The following KRABD3 variants were observed in gnomAD, a reference collection of about 807,000 sequenced individuals.
KRABD3 encodes the protein KRAB domain containing 3, also known as KRAB domain-containing protein 3.
the KRABD3 span, chr7:149,722,812 G>A: frequency 2.5e-6 from 4 of 1,609,912 alleles, no homozygotes; most frequent in Non-Finnish European, 3.4e-6. Context: ...CCCCTTGCAA[G>A]GCCTCATCAA....
the KRABD3 span, chr7:149,730,209 G>C: frequency 1.3e-6 from 2 of 1,575,240 alleles, no homozygotes; most frequent in Non-Finnish European, 1.7e-6. Flanking sequence ...GATCTTGCCT[G>C]TAAGGCCCTT....
chr7:149,728,567 C>T, the KRABD3 span: 4 of 1,613,682 alleles, frequency 2.5e-6, no homozygotes, highest in South Asian at 3.3e-5. Context: ...GGAGAATTGT[C>T]TCAAGGAGAT....
At chr7:149,722,596 G>A in the KRABD3 span, 1 of 1,587,890 alleles carries the variant, frequency 6.3e-7, no homozygotes, top group Non-Finnish European at 8.6e-7. Flanking sequence ...ATGGGGAAGT[G>A]TGTTTAGTTC....
chr7:149,724,748 C>A, the KRABD3 span: 3 of 1,561,498 alleles, frequency 1.9e-6, no homozygotes, highest in East Asian at 2.4e-5. Flanking sequence ...CAGAGCCCCC[C>A]AGGACCTGCA....
At chr7:149,722,394 AAG>A in the KRABD3 span, 1 of 1,586,648 alleles carries the variant, frequency 6.3e-7, no homozygotes, top group Non-Finnish European at 8.6e-7. Context: ...TGGGGCTAGA[AAG>A]GCCCTCTTGT....
At chr7:149,725,626 C>A in the KRABD3 span, 1 of 970,560 alleles carries the variant, frequency 1.0e-6, no homozygotes, top group Non-Finnish European at 1.5e-6. Flanking sequence ...TTCATACTCA[C>A]TCCCAAACAG....
the KRABD3 span, chr7:149,725,480 A>G: frequency 6.2e-7 from 1 of 1,607,034 alleles, no homozygotes; most frequent in African/African-American, 1.3e-5. Context: ...CACAGATCAC[A>G]CAGTGAAGGT....
the KRABD3 span, chr7:149,729,639 C>T: frequency 0.41 from 400,282 of 985,200 alleles, 84,164 homozygotes; most frequent in Non-Finnish European, 0.43. Context: ...AGGGGGCTCC[C>T]GCCGTCCACT....
At chr7:149,728,689 C>T in the KRABD3 span, 23 of 1,611,676 alleles carry the variant, frequency 1.4e-5, no homozygotes, top group Middle Eastern at 1.7e-4. Context: ...ATAGTGGCTG[C>T]CGGGGCCCTG....
At chr7:149,724,984 C>T in the KRABD3 span, 5 of 760,784 alleles carry the variant, frequency 6.6e-6, no homozygotes, top group Non-Finnish European at 4.0e-6. Context: ...CAGTGAATCC[C>T]TTCATCCACA....
chr7:149,722,533 A>G, the KRABD3 span: 1 of 1,399,656 alleles, frequency 7.1e-7, no homozygotes, highest in African/African-American at 1.5e-5. Context: ...AGAGGACAGG[A>G]GAGAGGGACC....
At chr7:149,723,852 A>G in the KRABD3 span, 5 of 1,613,860 alleles carry the variant, frequency 3.1e-6, no homozygotes, top group African/African-American at 5.3e-5. Context: ...ACCGACGGCT[A>G]CAGGAGAATC....
chr7:149,733,797 A>G, the KRABD3 span: 1 of 1,602,884 alleles, frequency 6.2e-7, no homozygotes, highest in Non-Finnish European at 8.5e-7. Flanking sequence ...CCGCCTGCAC[A>G]CCCCCTCCTC....
chr7:149,719,992 C>G, the KRABD3 span: 1 of 1,539,476 alleles, frequency 6.5e-7, no homozygotes, highest in South Asian at 1.2e-5. The surrounding 1 kb of genome is among the most constrained non-coding windows in gnomAD (Gnocchi z 5.6). Context: ...GGCCACAGTT[C>G]CCTCTTCTTT....
the KRABD3 span, among the ~76,000 whole-genome samples, chr7:149,717,789 G>C: frequency 1.3e-5 from 2 of 152,216 alleles, no homozygotes; most frequent in Admixed American, 6.5e-5. Context: ...GAGCCCGGCA[G>C]TAAGTGGACA....
At chr7:149,727,650 G>A in the KRABD3 span, among the ~76,000 whole-genome samples, 28 of 152,308 alleles carry the variant, frequency 1.8e-4, no homozygotes, top group African/African-American at 4.8e-4. Flanking sequence ...GGACAGCAGC[G>A]TGGTATTCGG....
chr7:149,719,805 A>G, the KRABD3 span: 2 of 1,254,372 alleles, frequency 1.6e-6, no homozygotes, highest in African/African-American at 1.5e-5. The surrounding 1 kb of genome is among the most constrained non-coding windows in gnomAD (Gnocchi z 5.6). Context: ...CGCTGCTGCT[A>G]TTCTATGTCC....
the KRABD3 span, chr7:149,733,259 T>G: frequency 2.5e-6 from 4 of 1,611,890 alleles, no homozygotes; most frequent in Non-Finnish European, 3.4e-6. Flanking sequence ...GCCCAGTGAG[T>G]CTCCCCCTCC....
chr7:149,721,332 A>G, the KRABD3 span: 684 of 1,538,890 alleles, frequency 4.4e-4, 3 homozygotes, highest in East Asian at 4.5e-3. Context: ...CAGTGTGACA[A>G]TGTTAGGGGC....
Sources: allele counts gnomAD v4.1 joint callset (sites outside exome capture counted in the v4.1 genomes callset), GRCh38; gene constraint gnomAD v4.1.1; non-coding constraint Gnocchi (gnomAD v3.1); transcripts MANE v1.5; gene names NCBI Gene and HGNC (gene_info 2026-07-23, HGNC 2026-07-21).